PAPPA: variants seen among roughly 807,000 people sequenced by gnomAD.
The protein encoded by PAPPA is pappalysin 1.
A neutral mutation model predicts 164.0 loss-of-function variants in PAPPA; 60 were observed. The ratio of observed to expected loss-of-function variants is 0.37; its 90% confidence interval spans 0.30 to 0.45. The LOEUF is 0.45. PAPPA is among the 20% of genes least tolerant of loss of function. The pLI is 1.00. For synonymous variants in PAPPA, 875 were observed against 814.1 expected (o/e 1.07, Z -1.27); for missense variants, 1,782 against 2,087.3 (o/e 0.85, Z 2.85).
At chr9:116,156,027 G>A (rs1179840663) in intron 1 of PAPPA, among the ~76,000 whole-genome samples, 2 of 151,694 alleles carry the variant, frequency 1.3e-5, no homozygotes, top group East Asian at 1.9e-4. Flanking sequence ...TAATAATGAC[G>A]ATGGTGATAA....
intron 7 of PAPPA, among the ~76,000 whole-genome samples, chr9:116,255,860 T>G (rs925556048): frequency 1.3e-5 from 2 of 151,954 alleles, no homozygotes; most frequent in African/African-American, 4.8e-5. Flanking sequence ...CCATGATAAT[T>G]AACATGATTT....
intron 14 of PAPPA, 28 bp from the exon 15 acceptor site, chr9:116,346,998 C>G (rs746148380): frequency 6.3e-7 from 1 of 1,583,726 alleles, no homozygotes; most frequent in African/African-American, 1.3e-5. Flanking sequence ...GTCTGCCACT[C>G]CTCACTATGC....
intron 17 of PAPPA, among the ~76,000 whole-genome samples, chr9:116,361,041 C>A (rs904260514): frequency 6.6e-6 from 1 of 152,188 alleles, no homozygotes; most frequent in African/African-American, 2.4e-5. Flanking sequence ...GAAAGCACAA[C>A]ATACGATGCC....
At chr9:116,381,503 G>A (rs1320774969) in intron 20 of PAPPA, among the ~76,000 whole-genome samples, 1 of 152,224 alleles carries the variant, frequency 6.6e-6, no homozygotes, top group East Asian at 1.9e-4. Context: ...GGGAATCCAA[G>A]AGACTCCTGG....
At chr9:116,169,933 A>G (rs1324415718) in intron 1 of PAPPA, among the ~76,000 whole-genome samples, 1 of 152,066 alleles carries the variant, frequency 6.6e-6, no homozygotes, top group African/African-American at 2.4e-5. Flanking sequence ...TTTGGTTAAT[A>G]TAATTATCAT....
chr9:116,167,231 A>G (rs566303501), intron 1 of PAPPA, among the ~76,000 whole-genome samples: 4 of 152,152 alleles, frequency 2.6e-5, no homozygotes, highest in Non-Finnish European at 5.9e-5. Context: ...CAAGTCCCCA[A>G]CATAAAATGG....
At chr9:116,162,021 C>T (rs1271596663) in intron 1 of PAPPA, among the ~76,000 whole-genome samples, 1 of 152,110 alleles carries the variant, frequency 6.6e-6, no homozygotes, top group East Asian at 1.9e-4. Context: ...CGTGACACAG[C>T]CCAGGCTTCA....
At chr9:116,270,114 G>A (rs1845119738) in intron 8 of PAPPA, among the ~76,000 whole-genome samples, 1 of 152,090 alleles carries the variant, frequency 6.6e-6, no homozygotes, top group African/African-American at 2.4e-5. Flanking sequence ...GGGGAGGGAG[G>A]GACAGCTGTC....
At chr9:116,237,396 C>T (rs1490327458) in intron 7 of PAPPA, among the ~76,000 whole-genome samples, 1 of 152,186 alleles carries the variant, frequency 6.6e-6, no homozygotes, top group East Asian at 1.9e-4. Context: ...TATAAATATG[C>T]TTCCACTTAA....
chr9:116,361,814 G>A (rs112942736), intron 17 of PAPPA, among the ~76,000 whole-genome samples: 68 of 152,302 alleles, frequency 4.5e-4, no homozygotes, highest in African/African-American at 1.3e-3. Flanking sequence ...GCACAGATTG[G>A]ACACTAACGA....
chr9:116,381,878 T>C (rs1846736059), intron 20 of PAPPA, among the ~76,000 whole-genome samples: 1 of 152,232 alleles, frequency 6.6e-6, no homozygotes, highest in Admixed American at 6.5e-5. Flanking sequence ...GGGAGCCCAC[T>C]ATCACACACA....
chr9:116,171,295 T>G (rs1220390493), intron 1 of PAPPA, among the ~76,000 whole-genome samples: 1 of 152,222 alleles, frequency 6.6e-6, no homozygotes, highest in African/African-American at 2.4e-5. Flanking sequence ...TCTGGATGTA[T>G]GATGTAGCAG....
At chr9:116,176,291 G>A (rs1376147482) in intron 1 of PAPPA, among the ~76,000 whole-genome samples, 1 of 152,196 alleles carries the variant, frequency 6.6e-6, no homozygotes, top group East Asian at 1.9e-4. Flanking sequence ...TATTCTGAGA[G>A]CATCAGAGAA....
chr9:116,308,568 T>A (rs1469642319), intron 10 of PAPPA, among the ~76,000 whole-genome samples: 1 of 152,208 alleles, frequency 6.6e-6, no homozygotes, highest in Non-Finnish European at 1.5e-5. Context: ...TGCAGGCCAC[T>A]GTGTTCATAA....
intron 7 of PAPPA, among the ~76,000 whole-genome samples, chr9:116,259,925 A>G (rs894579619): frequency 2.0e-4 from 30 of 152,230 alleles, no homozygotes; most frequent in African/African-American, 7.2e-4. Flanking sequence ...CTAGGTATCT[A>G]TCAAGAAAAG....
chr9:116,199,646 G>A (rs575925418), intron 2 of PAPPA, among the ~76,000 whole-genome samples: 111 of 152,170 alleles, frequency 7.3e-4, no homozygotes, highest in African/African-American at 2.6e-3. Flanking sequence ...ATTCTCCATT[G>A]CCTAGTATAC....
At chr9:116,391,658 A>C (rs974780977) in intron 21 of PAPPA, among the ~76,000 whole-genome samples, 4 of 152,218 alleles carry the variant, frequency 2.6e-5, no homozygotes, top group Non-Finnish European at 5.9e-5. Context: ...CATGTGCCGG[A>C]GCACCATCTC....
At chr9:116,287,203 G>C (rs1041859050) in intron 9 of PAPPA, 1 of 152,200 alleles carries the variant, frequency 6.6e-6, no homozygotes, top group Non-Finnish European at 1.5e-5. Context: ...TTATGTACTT[G>C]AAACATTTAG....
chr9:116,393,786 A>C (rs768779082), intron 21 of PAPPA, among the ~76,000 whole-genome samples: 2 of 152,182 alleles, frequency 1.3e-5, no homozygotes, highest in African/African-American at 2.4e-5. Context: ...GGCTAAGGAC[A>C]CAAAAGTAGG....
Sources: allele counts gnomAD v4.1 joint callset (sites outside exome capture counted in the v4.1 genomes callset), GRCh38; gene constraint gnomAD v4.1.1; transcripts MANE v1.5; gene names NCBI Gene and HGNC (gene_info 2026-07-23, HGNC 2026-07-21).